The following CNTN3 variants were observed in gnomAD, a reference collection of about 807,000 sequenced individuals.
CNTN3 encodes contactin-3.
In CNTN3, 60 loss-of-function variants were observed where a neutral mutation model predicts 119.1. That is an observed-to-expected ratio of 0.50 (90% CI 0.41 to 0.62). The LOEUF is 0.62. Among genes scored for constraint, CNTN3 ranks in the 20% least tolerant of loss-of-function variants. The pLI is 0.00. For missense variants in CNTN3, 1,101 were observed against 1,242.4 expected (o/e 0.89, Z 1.71); for synonymous variants, 450 against 438.7 (o/e 1.03, Z -0.32).
chr3:74,429,105 CAT>C (rs745401244), intron 4 of CNTN3, among the ~76,000 whole-genome samples: 9 of 151,924 alleles, frequency 5.9e-5, no homozygotes, highest in African/African-American at 9.7e-5. Context: ...TTAAGTGACA[CAT>C]GAGTGTATAA....
At chr3:74,483,725 A>C (rs1702803019) in intron 4 of CNTN3, among the ~76,000 whole-genome samples, 1 of 152,228 alleles carries the variant, frequency 6.6e-6, no homozygotes, top group South Asian at 2.1e-4. Context: ...TTATGTTCTA[A>C]GAATAATAAA....
chr3:74,401,151 C>CA (rs1350642427), intron 5 of CNTN3, among the ~76,000 whole-genome samples: 1 of 149,580 alleles, frequency 6.7e-6, no homozygotes, highest in Non-Finnish European at 1.5e-5. Context: ...GAAATAAACT[C>CA]AGTTATTAAT....
At chr3:74,382,468 T>C (rs975589445) in intron 5 of CNTN3, among the ~76,000 whole-genome samples, 1 of 152,080 alleles carries the variant, frequency 6.6e-6, no homozygotes, top group Non-Finnish European at 1.5e-5. Context: ...GTCCCTCCTA[T>C]CTAACCGAAA....
At chr3:74,503,912 C>G (rs1362752815) in intron 2 of CNTN3, among the ~76,000 whole-genome samples, 1 of 152,066 alleles carries the variant, frequency 6.6e-6, no homozygotes, top group Non-Finnish European at 1.5e-5. Context: ...TTTTTCCCCC[C>G]TAACACCTAC....
At chr3:74,311,947 G>A (rs1702693894) in intron 13 of CNTN3, among the ~76,000 whole-genome samples, 1 of 150,362 alleles carries the variant, frequency 6.7e-6, no homozygotes, top group African/African-American at 2.5e-5. Flanking sequence ...TTGAGTAATT[G>A]CTGGAAGTTC....
intron 1 of CNTN3, among the ~76,000 whole-genome samples, chr3:74,522,833 G>C (rs1429190081): frequency 6.6e-6 from 1 of 151,812 alleles, no homozygotes; most frequent in Non-Finnish European, 1.5e-5. Flanking sequence ...AGTGGTGTGT[G>C]CACTGGAGTG....
rs189519824 is a variant in CNTN3, at chr3:74,501,965, T to C, written c.56-2180A>G. 1.6e-4 allele frequency among the ~76,000 whole-genome samples: 24 copies of C among 152,268 alleles called. No homozygotes were observed. In the East Asian group the frequency reaches 2.3e-3, roughly 15 times the overall value. On this transcript the variant is annotated intron_variant, in intron 2 of 22. Transcript: ENST00000263665. The stretch of plus-strand genomic sequence containing the variant: ...ATAATAAGTAAAAACAAAAATGCCA[T>C]TCTGTTCTATTAATTGAATTTATTG...
intron 13 of CNTN3, among the ~76,000 whole-genome samples, chr3:74,316,691 C>G (rs904981851): frequency 6.6e-6 from 1 of 151,872 alleles, no homozygotes; most frequent in Admixed American, 6.6e-5. Context: ...TTTGGGAGGC[C>G]GAGGTGGGCA....
intron 5 of CNTN3, among the ~76,000 whole-genome samples, chr3:74,404,130 T>A (rs1450419151): frequency 3.9e-5 from 6 of 152,108 alleles, no homozygotes; most frequent in Non-Finnish European, 8.8e-5. Context: ...ATACAATACT[T>A]TGAATACGGT....
chr3:74,356,682 G>T (rs2106760247), intron 11 of CNTN3, among the ~76,000 whole-genome samples: 1 of 152,144 alleles, frequency 6.6e-6, no homozygotes, highest in Non-Finnish European at 1.5e-5. Flanking sequence ...CTTTTTGCAG[G>T]ATAAGCCTTT....
rs908794399 is a variant in CNTN3, at chr3:74,336,714, T to A, written c.1365-56A>T. ...ATATAATAGCCATTTTTTTTCCAAATGAATATACATATTTTTACAGAACAT... is the reference window on the plus strand; with the variant it reads ...ATATAATAGCCATTTTTTTTCCAAAAGAATATACATATTTTTACAGAACAT... On this transcript the variant is annotated intron_variant, in intron 11 of 22. Coordinates refer to ENST00000263665, the MANE Select transcript of CNTN3 (RefSeq NM_020872.3). 43 of 1,382,228 alleles carry A rather than the reference T, an allele frequency of 3.1e-5. No homozygotes were observed. The East Asian group carries it at 8.9e-4, about 29-fold the overall frequency. The allele number at this position is 1,382,228 out of a possible 1,614,324, so 85.6% of individuals were successfully genotyped here. A position where few individuals can be genotyped will look rare whatever the true frequency, so the allele number is the denominator to read the frequency against.
Position 74,301,805 on chromosome 3 carries a change from C to G in CNTN3, c.1787G>C (p.Gly596Ala). ...VSSAADLIVR[G>A]SPGPPENVKV... ...CACATTTTCTGGTGGTCCAGGTGAA[C>G]CTAAGGAAGGCACAAATGGAAACAT... is the stretch of plus-strand genomic sequence containing the variant. The change falls in exon 15 of 23, where the codon GGT (glycine) becomes GCT (alanine). Residue 596 changes from glycine to alanine, a missense_variant and splice_region_variant. Physicochemically the swap from Gly to Ala is moderately conservative, Grantham distance 60. Coordinates refer to ENST00000263665, the MANE Select transcript of CNTN3 (RefSeq NM_020872.3). 1.3e-5 allele frequency: 21 copies of G among 1,613,598 alleles called. No homozygotes were observed. The highest frequency in any genetic ancestry group is 1.6e-5 in the Non-Finnish European group (19 of 1,179,716).
rs1424947613 is a variant in CNTN3, at chr3:74,434,432, TTAAAAA to T, written c.359-9498_359-9493del. ...TCAAACATGCACAGTTCACCCCATC[TTAAAAA>T]TAAAACACATCTTCCAATGATCTCA... On this transcript the variant is annotated intron_variant, in intron 4 of 22. Coordinates refer to ENST00000263665, the MANE Select transcript of CNTN3 (RefSeq NM_020872.3). Among the ~76,000 whole-genome samples the T allele has an allele frequency of 3.7e-3, 568 of 152,332 alleles. 13 individuals carry two copies. Among genetic ancestry groups the T allele is most frequent in the Non-Finnish European group, 8.1e-4 (55 of 68,038 alleles).
At position 74,390,388 on chromosome 3, in the gene CNTN3, T is replaced by A. The variant is rs868171417; in HGVS notation, c.455-18989A>T. Among the ~76,000 whole-genome samples, 694 of 150,232 alleles carry A rather than the reference T, an allele frequency of 4.6e-3. 12 individuals are homozygous for A. Among genetic ancestry groups the A allele is most frequent in the African/African-American group, 0.016 (658 of 41,172 alleles). ...AGTATGCTTTTTTTTTTTTTTTTTTTAGAAAAGGCTATTTGATGACAGAAT... is the reference window on the plus strand; with the variant it reads ...AGTATGCTTTTTTTTTTTTTTTTTTAAGAAAAGGCTATTTGATGACAGAAT... On this transcript the variant is annotated intron_variant, in intron 5 of 22. Coordinates refer to ENST00000263665, the MANE Select transcript of CNTN3 (RefSeq NM_020872.3).
chr3:74,488,673 C>G (rs1454050344), intron 3 of CNTN3, among the ~76,000 whole-genome samples: 1 of 152,102 alleles, frequency 6.6e-6, no homozygotes, highest in East Asian at 1.9e-4. Context: ...TTTTAAAAAT[C>G]AAGGCTTTCT....
intron 4 of CNTN3, among the ~76,000 whole-genome samples, chr3:74,436,380 C>T (rs530815848): frequency 6.6e-6 from 1 of 152,130 alleles, no homozygotes; most frequent in African/African-American, 2.4e-5. Context: ...GACCTCACAC[C>T]ACACCTACCC....
At chr3:74,409,654 A>C (rs1159710250) in intron 5 of CNTN3, among the ~76,000 whole-genome samples, 1 of 152,130 alleles carries the variant, frequency 6.6e-6, no homozygotes, top group East Asian at 1.9e-4. Context: ...CTTTGGACAG[A>C]ACTGTCTCAT....
At chr3:74,435,170 C>T (rs758025180) in intron 4 of CNTN3, among the ~76,000 whole-genome samples, 3 of 152,046 alleles carry the variant, frequency 2.0e-5, no homozygotes, top group Non-Finnish European at 4.4e-5. Flanking sequence ...TTTACTGGAA[C>T]GATTTAAATT....
chr3:74,467,996 A>C (rs1490883191), intron 4 of CNTN3, among the ~76,000 whole-genome samples: 3 of 152,324 alleles, frequency 2.0e-5, no homozygotes, highest in Non-Finnish European at 4.4e-5. Flanking sequence ...TCGGAACAAA[A>C]GAAAACCCCC....
Sources: allele counts gnomAD v4.1 joint callset (sites outside exome capture counted in the v4.1 genomes callset), GRCh38; gene constraint gnomAD v4.1.1; transcripts MANE v1.5; gene names NCBI Gene and HGNC (gene_info 2026-07-23, HGNC 2026-07-21).